The following LAMA3 variants were observed in gnomAD, a reference collection of about 807,000 sequenced individuals.
LAMA3 encodes the protein laminin subunit alpha-3.
In LAMA3, 281 loss-of-function variants were observed where a neutral mutation model predicts 402.0. That is an observed-to-expected ratio of 0.70 (90% CI 0.63 to 0.77). The LOEUF (loss-of-function observed/expected upper bound fraction) is 0.77, where lower values mean the gene tolerates loss of function less well. LAMA3 is among the 30% of genes least tolerant of loss of function. The pLI is 0.00. For synonymous variants in LAMA3, 1,431 were observed against 1,558.4 expected (o/e 0.92, Z 1.93); for missense variants, 3,840 against 4,215.5 (o/e 0.91, Z 2.47).
rs112340800 is a variant in LAMA3, at chr18:23,713,905, CTT to C, written c.295-5_295-4del. The stretch of plus-strand genomic sequence containing the variant: ...AAAAACAAAAAACAAAAAAAACCCA[CTT>C]TTTTTTTTTCAGGGCCAGTTCTGTG... On this transcript the variant is annotated splice_polypyrimidine_tract_variant and intron_variant, in intron 1 of 74. Coordinates refer to ENST00000313654, the MANE Select transcript of LAMA3 (RefSeq NM_198129.4). 1.9e-5 allele frequency: 24 copies of C among 1,259,356 alleles called. No homozygotes were observed. The highest frequency in any genetic ancestry group is 1.6e-4 in the Admixed American group (8 of 49,182). 78.0% of individuals were successfully genotyped at this position (1,259,356 alleles called of 1,614,324 possible). A position where few individuals can be genotyped will look rare whatever the true frequency, so the allele number is the denominator to read the frequency against.
In LAMA3 at chr18:23,810,358, T is replaced by C. The variant is rs2063043991; in HGVS notation, c.1604-8T>C. On this transcript the variant is annotated splice_region_variant and splice_polypyrimidine_tract_variant and intron_variant, in intron 12 of 74. Coordinates refer to ENST00000313654, the MANE Select transcript of LAMA3 (RefSeq NM_198129.4). ...CCCGCCTAAGTCTGATTGAATTCTT[T>C]CATCCAGCCTGCTGGTGTTCAGCCC... 1 of 1,613,980 alleles carries C rather than the reference T, an allele frequency of 6.2e-7. No individual in the cohort carries two copies. Among genetic ancestry groups the C allele is most frequent in the Non-Finnish European group, 8.5e-7 (1 of 1,179,990 alleles).
chr18:23,894,855 AGTCCCACG>A, intron 43 of LAMA3, 44 bp from the exon 44 acceptor site: 1 of 1,612,882 alleles, frequency 6.2e-7, no homozygotes, highest in Non-Finnish European at 8.5e-7. Context: ...GTCTTTTCGC[AGTCCCACG>A]GCTCCCCCCA....
At chr18:23,721,851 CA>C (rs1422364013) in intron 2 of LAMA3, among the ~76,000 whole-genome samples, 2 of 152,284 alleles carry the variant, frequency 1.3e-5, no homozygotes, top group African/African-American at 4.8e-5. Flanking sequence ...GAACAGAATC[CA>C]TAGTGGTGAG....
At chr18:23,744,869 C>T (rs1303292192) in intron 2 of LAMA3, among the ~76,000 whole-genome samples, 1 of 149,080 alleles carries the variant, frequency 6.7e-6, no homozygotes, top group African/African-American at 2.5e-5. Context: ...CAAACGTTAC[C>T]TAGAAACAAG....
At chr18:23,860,626 C>T (rs2064195233) in intron 34 of LAMA3, among the ~76,000 whole-genome samples, 1 of 151,694 alleles carries the variant, frequency 6.6e-6, no homozygotes, top group Non-Finnish European at 1.5e-5. Context: ...ATTCCATGAA[C>T]CAGTAACCTC....
At chr18:23,877,602 A>G (rs889320629) in intron 39 of LAMA3, among the ~76,000 whole-genome samples, 1 of 152,226 alleles carries the variant, frequency 6.6e-6, no homozygotes, top group African/African-American at 2.4e-5. Flanking sequence ...ACCGTGGCCC[A>G]GGGAACTGCT....
At chr18:23,832,210 G>A (rs1327189387) in intron 23 of LAMA3, among the ~76,000 whole-genome samples, 1 of 152,158 alleles carries the variant, frequency 6.6e-6, no homozygotes, top group East Asian at 1.9e-4. Flanking sequence ...GTGTTTTGTG[G>A]TGGGGTAATG....
intron 2 of LAMA3, among the ~76,000 whole-genome samples, chr18:23,742,378 C>T (rs558475978): frequency 1.6e-4 from 24 of 152,152 alleles, no homozygotes; most frequent in Admixed American, 1.0e-3. Flanking sequence ...TTGATTAAAT[C>T]CCGAGATGGG....
At chr18:23,716,464 C>T (rs975601498) in intron 2 of LAMA3, among the ~76,000 whole-genome samples, 3 of 152,068 alleles carry the variant, frequency 2.0e-5, no homozygotes, top group Admixed American at 1.3e-4. Context: ...TGGCCTATAT[C>T]GCTTATTTAA....
At chr18:23,900,466 A>G (rs2145117628) in intron 47 of LAMA3, among the ~76,000 whole-genome samples, 1 of 152,338 alleles carries the variant, frequency 6.6e-6, no homozygotes, top group South Asian at 2.1e-4. Context: ...TTGCTCAAAA[A>G]TGTCAGATTT....
At chr18:23,814,678 T>C (rs2063141856) in intron 15 of LAMA3, among the ~76,000 whole-genome samples, 176 bp downstream of exon 15, 1 of 152,240 alleles carries the variant, frequency 6.6e-6, no homozygotes, top group South Asian at 2.1e-4. Flanking sequence ...ACTTTCAAAA[T>C]CTTAGCAAGG....
chr18:23,851,076 G>A (rs1334454982), intron 32 of LAMA3, among the ~76,000 whole-genome samples: 20 of 152,234 alleles, frequency 1.3e-4, no homozygotes. Context: ...TCGACTTGGT[G>A]TTCTCAGAAC....
At chr18:23,776,817 AG>A (rs1277257972) in intron 10 of LAMA3, among the ~76,000 whole-genome samples, 1 of 150,828 alleles carries the variant, frequency 6.6e-6, no homozygotes, top group East Asian at 1.9e-4. Context: ...TCTTGGTAGA[AG>A]GCTGAACAGA....
Position 23,951,488 on chromosome 18 carries a change from C to A in LAMA3, c.9643-196C>A, listed in dbSNP as rs141899003. On this transcript the variant is annotated intron_variant, in intron 72 of 74. Transcript: ENST00000313654. ...CAGGGTCCACCCTGGTTTATAGTTG[C>A]CTGGAAGGGATGCAGCAGAGAGATC... Among the ~76,000 whole-genome samples the A allele has an allele frequency of 2.8e-4, 43 of 152,274 alleles. No individual in the cohort carries two copies. The East Asian group carries it at 6.0e-3, about 21-fold the overall frequency.
intron 12 of LAMA3, among the ~76,000 whole-genome samples, chr18:23,792,484 T>C (rs2062678583): frequency 6.6e-6 from 1 of 152,148 alleles, no homozygotes; most frequent in Admixed American, 6.6e-5. Flanking sequence ...TCCGAGGGCA[T>C]TAATCTACTC....
intron 60 of LAMA3, among the ~76,000 whole-genome samples, chr18:23,920,425 G>A (rs1412123152): frequency 1.3e-5 from 2 of 152,172 alleles, no homozygotes. Context: ...CAAGGCAAAG[G>A]GAGTGGTGTG....
chr18:23,911,242 C>G (rs2081415609), intron 55 of LAMA3, among the ~76,000 whole-genome samples: 1 of 152,082 alleles, frequency 6.6e-6, no homozygotes, highest in African/African-American at 2.4e-5. Flanking sequence ...GGGACCCCAT[C>G]GCTAAGTCCC....
chr18:23,697,539 A>G (rs958649317), intron 1 of LAMA3, among the ~76,000 whole-genome samples: 2 of 152,118 alleles, frequency 1.3e-5, no homozygotes, highest in African/African-American at 4.8e-5. Context: ...CAGGTTGGGA[A>G]TCCCTCATCC....
At chr18:23,937,452 C>T (rs2082349859) in intron 67 of LAMA3, among the ~76,000 whole-genome samples, 1 of 139,684 alleles carries the variant, frequency 7.2e-6, no homozygotes, top group Admixed American at 7.2e-5. Context: ...GGAGTGGAAA[C>T]AAAATATGTC....
Sources: gnomAD v4.1 joint callset for allele counts (sites outside exome capture counted in the v4.1 genomes callset) on GRCh38, gnomAD v4.1.1 for gene constraint, MANE v1.5 for transcripts, NCBI Gene and HGNC (gene_info 2026-07-23, HGNC 2026-07-21) for gene names.